Variants in FOXN3 observed in about 807,000 individuals in gnomAD.
FOXN3 encodes the protein forkhead box protein N3.
In FOXN3, 7 loss-of-function variants were observed where a neutral mutation model predicts 38.4. That is an observed-to-expected ratio of 0.18 (90% CI 0.10 to 0.34). The LOEUF is 0.34. Ranked by LOEUF, FOXN3 falls within the 10% of genes least tolerant of loss-of-function variation. The pLI is 1.00. For missense variants in FOXN3, 456 were observed against 613.4 expected, an observed-to-expected ratio of 0.74 and a Z score of 2.71; for synonymous variants, 230 against 242.2, an observed-to-expected ratio of 0.95 and a Z score of 0.47.
intron 1 of FOXN3, among the ~76,000 whole-genome samples, chr14:89,508,835 T>C (rs978040672): frequency 6.6e-6 from 1 of 152,188 alleles, no homozygotes; most frequent in Non-Finnish European, 1.5e-5. Context: ...CCTGGGACCA[T>C]GCACTGAGGA....
At chr14:89,300,363 A>G (rs751425840) in intron 3 of FOXN3, among the ~76,000 whole-genome samples, 2 of 151,988 alleles carry the variant, frequency 1.3e-5, no homozygotes, top group Admixed American at 6.6e-5. Flanking sequence ...TTCTATTTGT[A>G]TAGAGACAGG....
intron 1 of FOXN3, among the ~76,000 whole-genome samples, chr14:89,602,051 C>T (rs1254833637): frequency 6.6e-6 from 1 of 152,150 alleles, no homozygotes; most frequent in African/African-American, 2.4e-5. Flanking sequence ...GCTTTTTCCC[C>T]ACATTTTTAT....
intron 1 of FOXN3, among the ~76,000 whole-genome samples, chr14:89,535,907 CAT>C (rs1446471642): frequency 6.6e-6 from 1 of 152,170 alleles, no homozygotes; most frequent in Non-Finnish European, 1.5e-5. Flanking sequence ...CCCATAGAAA[CAT>C]AAGTCGTTTG....
At chr14:89,233,194 G>A (rs979183716) in intron 4 of FOXN3, among the ~76,000 whole-genome samples, 3 of 152,168 alleles carry the variant, frequency 2.0e-5, no homozygotes, top group Non-Finnish European at 2.9e-5. Flanking sequence ...GCAATGCTGC[G>A]ACCATCATGA....
intron 2 of FOXN3, among the ~76,000 whole-genome samples, chr14:89,366,534 A>G (rs1202701108): frequency 2.0e-5 from 3 of 152,260 alleles, no homozygotes; most frequent in Non-Finnish European, 4.4e-5. Context: ...GCAAGCTGAC[A>G]GTGCTAGTAG....
intron 1 of FOXN3, among the ~76,000 whole-genome samples, chr14:89,595,131 A>G (rs1045533617): frequency 2.0e-4 from 30 of 151,268 alleles, no homozygotes; most frequent in Admixed American, 1.5e-3. Context: ...CCTGGCTAAC[A>G]TGGTGAAACC....
At chr14:89,603,264 C>T (rs1318983052) in intron 1 of FOXN3, among the ~76,000 whole-genome samples, 4 of 152,140 alleles carry the variant, frequency 2.6e-5, no homozygotes, top group Admixed American at 1.3e-4. Context: ...TGACAGAGTC[C>T]TAAAATGCCA....
Position 89,511,267 on chromosome 14 carries a change from CTTTCT to C in FOXN3, c.-14-98782_-14-98778del, listed in dbSNP as rs1566681380. Among the ~76,000 whole-genome samples the C allele has an allele frequency of 4.0e-5, 2 of 50,492 alleles. 1 individual carries two copies. Among genetic ancestry groups the C allele is most frequent in the African/African-American group, 1.1e-4 (2 of 17,552 alleles). The allele number at this position is 50,492 out of a possible 152,430, so 33.1% of individuals were successfully genotyped here. A position where few individuals can be genotyped will look rare whatever the true frequency, so the allele number is the denominator to read the frequency against. On this transcript the variant is annotated intron_variant, in intron 1 of 6. Coordinates refer to the FOXN3 transcript ENST00000345097. ...CTTTCTTTTCTTTCTTTCTTTCTTT[CTTTCT>C]TTCTTTCTTTCTTTCTTTCTTTCTT...
chr14:89,506,230 A>C (rs569611760), intron 1 of FOXN3, among the ~76,000 whole-genome samples: 201 of 48,584 alleles, frequency 4.1e-3, no homozygotes, highest in African/African-American at 9.7e-3. Context: ...TACTGGGAAG[A>C]GAGGAGCCCC....
At chr14:89,425,079 T>TTC (rs1891997177) in intron 1 of FOXN3, among the ~76,000 whole-genome samples, 1 of 147,918 alleles carries the variant, frequency 6.8e-6, no homozygotes, top group Admixed American at 6.7e-5. Flanking sequence ...TTTTTTTTTT[T>TTC]TTTGAGACAG....
At chr14:89,521,125 C>T (rs1021784919) in intron 1 of FOXN3, among the ~76,000 whole-genome samples, 5 of 152,056 alleles carry the variant, frequency 3.3e-5, no homozygotes, top group African/African-American at 1.2e-4. Context: ...TCCTGGCCAA[C>T]GTGGTGAAAC....
At chr14:89,244,078 C>T (rs1285754805) in intron 4 of FOXN3, among the ~76,000 whole-genome samples, 1 of 152,226 alleles carries the variant, frequency 6.6e-6, no homozygotes, top group Admixed American at 6.5e-5. Context: ...TCTTAGTCAA[C>T]TAGTCAAGAT....
intron 1 of FOXN3, among the ~76,000 whole-genome samples, chr14:89,514,988 C>A (rs1048827432): frequency 6.6e-6 from 1 of 151,870 alleles, no homozygotes; most frequent in African/African-American, 2.4e-5. Flanking sequence ...AGCACAATCT[C>A]GGCTCATTGC....
chr14:89,530,086 T>C (rs980236804), intron 1 of FOXN3, among the ~76,000 whole-genome samples: 1 of 151,954 alleles, frequency 6.6e-6, no homozygotes, highest in African/African-American at 2.4e-5. Flanking sequence ...ATTACAGGTG[T>C]GTGCCACCAC....
rs35223958 is a variant in FOXN3 at position 89,357,151 on chromosome 14, GA to G, written c.544-6344del. On this transcript the variant is annotated intron_variant, in intron 2 of 5. Transcript: ENST00000557258. ...GGACAGCATGAGTCCGGGAGTCTGA[GA>G]CCAGCCTGGGCAATACAGTGAGACC... 9.1e-3 allele frequency among the ~76,000 whole-genome samples: 1,385 copies of G among 152,288 alleles called. 36 individuals are homozygous for G. The highest frequency in any genetic ancestry group is 0.031 in the African/African-American group (1,304 of 41,558).
At chr14:89,276,968 G>A (rs1270101483) in intron 4 of FOXN3, among the ~76,000 whole-genome samples, 1 of 152,128 alleles carries the variant, frequency 6.6e-6, no homozygotes. Context: ...AACCATCAGA[G>A]ACCAGATGAA....
chr14:89,225,871 C>T (rs1386625179), intron 4 of FOXN3, among the ~76,000 whole-genome samples: 5 of 152,160 alleles, frequency 3.3e-5, no homozygotes, highest in South Asian at 2.1e-4. Flanking sequence ...ATTTCACAAA[C>T]GTTTTAACAT....
chr14:89,359,258 T>C (rs1414069175), intron 2 of FOXN3, among the ~76,000 whole-genome samples: 2 of 151,576 alleles, frequency 1.3e-5, no homozygotes, highest in East Asian at 3.9e-4. Flanking sequence ...ATCACGCCAC[T>C]GCACTCCAGC....
intron 4 of FOXN3, among the ~76,000 whole-genome samples, chr14:89,222,672 C>A (rs1316927855): frequency 6.6e-6 from 1 of 152,146 alleles, no homozygotes; most frequent in African/African-American, 2.4e-5. Context: ...GGGAAGGCAG[C>A]CCCACCTTCC....
Sources: allele counts gnomAD v4.1 joint callset (sites outside exome capture counted in the v4.1 genomes callset), GRCh38; gene constraint gnomAD v4.1.1; transcripts MANE v1.5; gene names NCBI Gene and HGNC (gene_info 2026-07-23, HGNC 2026-07-21).